Variants in HIPK2 observed in about 807,000 individuals in gnomAD.
HIPK2 encodes the protein homeodomain interacting protein kinase 2, also known as homeodomain-interacting protein kinase 2.
HIPK2 carries 27 observed loss-of-function variants against 113.7 expected under a neutral mutation model. The observed-to-expected ratio is 0.24, with a 90% CI of 0.17 to 0.33. HIPK2 has a LOEUF of 0.33. Among genes scored for constraint, HIPK2 ranks in the 10% least tolerant of loss-of-function variants. HIPK2 has a pLI of 1.00. For missense variants in HIPK2, 1,257 were observed against 1,588.0 expected (o/e 0.79, Z 3.54); for synonymous variants, 631 against 642.2 (o/e 0.98, Z 0.26).
At chr7:139,616,813 C>T (rs1479551695) in intron 7 of HIPK2, among the ~76,000 whole-genome samples, 2 of 152,208 alleles carry the variant, frequency 1.3e-5, no homozygotes, top group Non-Finnish European at 2.9e-5. Context: ...CTGCAGTGGT[C>T]TCTCCTTCCT....
chr7:139,563,598 GAC>G lies in HIPK2; in HGVS notation c.*9327_*9328del, dbSNP rs1798009527. On this transcript the variant is annotated 3_prime_UTR_variant, in exon 15 of 15. Transcript: ENST00000406875. The stretch of plus-strand genomic sequence containing the variant: ...TAAAAATATAAGCCCCAAAAACAAT[GAC>G]ACAAAATTCATTTGGTTAATTCATG... The G allele has an allele frequency of 2.6e-6, 1 of 384,064 alleles. No homozygotes were observed. The highest frequency in any genetic ancestry group is 2.1e-5 in the African/African-American group (1 of 48,388). The allele number at this position is 384,064 out of a possible 1,614,324, so 23.8% of individuals were successfully genotyped here. A position where few individuals can be genotyped will look rare whatever the true frequency, so the allele number is the denominator to read the frequency against.
At chr7:139,719,352 C>T (rs1585418009) in intron 1 of HIPK2, among the ~76,000 whole-genome samples, 1 of 152,258 alleles carries the variant, frequency 6.6e-6, no homozygotes, top group South Asian at 2.1e-4. Flanking sequence ...GATCCACTCC[C>T]CTCAGCCTCC....
chr7:139,755,059 C>T (rs368002562), intron 1 of HIPK2, among the ~76,000 whole-genome samples: 3 of 152,330 alleles, frequency 2.0e-5, no homozygotes, highest in South Asian at 4.1e-4. Context: ...GGGGGGGATG[C>T]ACATCCTGGT....
intron 1 of HIPK2, among the ~76,000 whole-genome samples, chr7:139,722,353 T>C (rs756495569): frequency 2.6e-5 from 4 of 152,178 alleles, no homozygotes; most frequent in Non-Finnish European, 5.9e-5. Context: ...CCGAAACAAA[T>C]CCAGGTTACC....
At chr7:139,641,262 G>A (rs763633557) in intron 2 of HIPK2, among the ~76,000 whole-genome samples, 16 of 151,932 alleles carry the variant, frequency 1.1e-4, no homozygotes, top group Non-Finnish European at 2.2e-4. Context: ...CTACTTGGGA[G>A]GCTGAGGCAG....
intron 2 of HIPK2, among the ~76,000 whole-genome samples, chr7:139,678,818 G>C (rs1041093768): frequency 2.6e-5 from 4 of 152,134 alleles, no homozygotes; most frequent in Non-Finnish European, 5.9e-5. Flanking sequence ...CCATTTGTTT[G>C]TATCCTCTTC....
intron 1 of HIPK2, among the ~76,000 whole-genome samples, chr7:139,765,488 T>C (rs186353592): frequency 5.8e-4 from 88 of 152,346 alleles, no homozygotes; most frequent in Middle Eastern, 6.8e-3. Flanking sequence ...CGTTTGTCTT[T>C]ATCTGCTAAA....
Position 139,620,561 on chromosome 7 carries a change from A to T in HIPK2, c.1622T>A (p.Val541Asp). 6.2e-7 allele frequency: 1 copy of T among 1,614,094 alleles called. No homozygotes were observed. Among genetic ancestry groups the T allele is most frequent in the African/African-American group, 1.3e-5 (1 of 75,030 alleles). Residue 541 changes from valine to aspartate, a missense_variant and splice_region_variant, in exon 7 of 15, where the codon GTC (valine) becomes GAC (aspartate). Around this residue, in one of 5 missense-constraint regions of HIPK2, gnomAD observed 862 missense variants for 1,004.3 expected, o/e 0.86. Transcript: ENST00000406875. Reference protein sequence around the residue: ...HLLDFPHSTHVKSCFQNMEIC... With the variant: ...HLLDFPHSTHDKSCFQNMEIC... ...CTCCATGTTCTGGAAACATGATTTGACGCTGTTCATGCAAAAGGCAGAGGC... is the reference window on the plus strand; with the variant it reads ...CTCCATGTTCTGGAAACATGATTTGTCGCTGTTCATGCAAAAGGCAGAGGC...
chr7:139,685,919 T>G (rs1303846283), intron 2 of HIPK2, among the ~76,000 whole-genome samples: 1 of 152,190 alleles, frequency 6.6e-6, no homozygotes, highest in African/African-American at 2.4e-5. Flanking sequence ...CTGTAGCCCA[T>G]AGATCAAGGG....
chr7:139,631,104 C>G lies in HIPK2; in HGVS notation c.1347+61G>C, dbSNP rs1232111238. 1 of 1,557,524 alleles carries G rather than the reference C, an allele frequency of 6.4e-7. No homozygotes were observed. The highest frequency in any genetic ancestry group is 8.7e-7 in the Non-Finnish European group (1 of 1,150,494). ...AATCAAAAGCTCCCCACTAATGGGT[C>G]TACGGCCCTCTTCCCTAAGCGCTGG... On this transcript the variant is annotated intron_variant, in intron 4 of 14. Coordinates refer to ENST00000406875, the MANE Select transcript of HIPK2 (RefSeq NM_022740.5). The surrounding 1 kb of genome is among the most constrained non-coding windows in gnomAD (Gnocchi z 4.9).
chr7:139,705,765 A>C (rs370472064), intron 2 of HIPK2, among the ~76,000 whole-genome samples: 2 of 151,944 alleles, frequency 1.3e-5, no homozygotes, highest in African/African-American at 4.8e-5. Flanking sequence ...ATTCAAATCC[A>C]GCTCTGTCTG....
intron 1 of HIPK2, among the ~76,000 whole-genome samples, chr7:139,742,540 T>C (rs1479029974): frequency 6.6e-6 from 1 of 152,212 alleles, no homozygotes; most frequent in African/African-American, 2.4e-5. Context: ...ACTTACTCTT[T>C]TTTGTCAGGA....
intron 2 of HIPK2, among the ~76,000 whole-genome samples, chr7:139,650,578 C>A (rs1801424516): frequency 6.6e-6 from 1 of 152,002 alleles, no homozygotes; most frequent in Non-Finnish European, 1.5e-5. Context: ...CCCTGAGGAC[C>A]CAGTTCTCCT....
At chr7:139,692,493 G>C (rs759263180) in intron 2 of HIPK2, among the ~76,000 whole-genome samples, 3 of 152,166 alleles carry the variant, frequency 2.0e-5, no homozygotes, top group Non-Finnish European at 4.4e-5. Context: ...GAGCAGGACA[G>C]GTTCTTTTCC....
At chr7:139,611,687 A>G (rs979761455) in intron 9 of HIPK2, among the ~76,000 whole-genome samples, 3 of 151,870 alleles carry the variant, frequency 2.0e-5, no homozygotes, top group African/African-American at 7.3e-5. Context: ...GACTGCAGGC[A>G]TGTGCCACCA....
At position 139,568,235 on chromosome 7, in the gene HIPK2, C is replaced by G. The variant is rs1798153113; in HGVS notation, c.*4692G>C. The G allele has an allele frequency of 6.6e-6, 1 of 152,318 alleles. No homozygotes were observed. The highest frequency in any genetic ancestry group is 1.5e-5 in the Non-Finnish European group (1 of 68,120). 9.4% of individuals were successfully genotyped at this position (152,318 alleles called of 1,614,324 possible). ...AGAGGACAAAGGTCAGCTGGCTCCCCCAGCCCGTGAACACCTCAGCCACCA... is the reference window on the plus strand; with the variant it reads ...AGAGGACAAAGGTCAGCTGGCTCCCGCAGCCCGTGAACACCTCAGCCACCA... On this transcript the variant is annotated 3_prime_UTR_variant, in exon 15 of 15. Transcript: ENST00000406875.
chr7:139,718,769 G>A (rs1035364701), intron 1 of HIPK2, among the ~76,000 whole-genome samples: 11 of 152,042 alleles, frequency 7.2e-5, no homozygotes, highest in African/African-American at 2.2e-4. Flanking sequence ...CTTCATGTGC[G>A]TGCACACACA....
At chr7:139,612,369 T>G (rs1345428164) in intron 9 of HIPK2, among the ~76,000 whole-genome samples, 1 of 152,152 alleles carries the variant, frequency 6.6e-6, no homozygotes, top group Non-Finnish European at 1.5e-5. Context: ...ATAGTAGAAA[T>G]GATTATACAG....
intron 2 of HIPK2, among the ~76,000 whole-genome samples, chr7:139,671,263 T>C (rs942715752): frequency 2.0e-5 from 3 of 152,154 alleles, no homozygotes; most frequent in African/African-American, 7.2e-5. Flanking sequence ...TGTCAAACAA[T>C]AATAGAAGAT....
Sources: gnomAD v4.1 joint callset for allele counts (sites outside exome capture counted in the v4.1 genomes callset) on GRCh38, gnomAD v4.1.1 for gene constraint, gnomAD v4.1.1 regional missense constraint, Gnocchi (gnomAD v3.1) non-coding constraint, MANE v1.5 for transcripts, NCBI Gene and HGNC (gene_info 2026-07-23, HGNC 2026-07-21) for gene names.